The following CSNK2A2IP variants were observed in gnomAD, a reference collection of about 807,000 sequenced individuals.
CSNK2A2IP encodes the protein casein kinase 2 subunit alpha' interacting protein.
the CSNK2A2IP span, among the ~76,000 whole-genome samples, chr3:88,351,369 T>C: frequency 6.6e-6 from 1 of 152,090 alleles, no homozygotes; most frequent in East Asian, 1.9e-4. Context: ...AATAATGAGG[T>C]ATGAAGTAGA....
the CSNK2A2IP span, among the ~76,000 whole-genome samples, chr3:88,439,290 C>A: frequency 2.6e-5 from 4 of 152,150 alleles, no homozygotes; most frequent in Non-Finnish European, 5.9e-5. Flanking sequence ...CCATGTGTTT[C>A]TGTGGTGCTT....
At chr3:88,463,586 T>G in the CSNK2A2IP span, among the ~76,000 whole-genome samples, 1 of 151,988 alleles carries the variant, frequency 6.6e-6, no homozygotes, top group African/African-American at 2.4e-5. Context: ...GAAATGCAAA[T>G]CAAAACCACA....
At chr3:88,356,057 C>G in the CSNK2A2IP span, among the ~76,000 whole-genome samples, 1 of 152,030 alleles carries the variant, frequency 6.6e-6, no homozygotes, top group Non-Finnish European at 1.5e-5. Context: ...ATTGGGAAAT[C>G]TAACACCTTA....
At chr3:88,399,628 C>T in the CSNK2A2IP span, 2 of 152,194 alleles carry the variant, frequency 1.3e-5, no homozygotes, top group South Asian at 4.1e-4. Flanking sequence ...ATATGGCAGG[C>T]ACACAGGCCT....
chr3:88,358,178 G>T, the CSNK2A2IP span, among the ~76,000 whole-genome samples: 1 of 152,092 alleles, frequency 6.6e-6, no homozygotes, highest in South Asian at 2.1e-4. Context: ...ATTTTTGTAT[G>T]TTGACTTTGT....
At chr3:88,380,378 A>G in the CSNK2A2IP span, among the ~76,000 whole-genome samples, 1 of 152,072 alleles carries the variant, frequency 6.6e-6, no homozygotes, top group Non-Finnish European at 1.5e-5. Flanking sequence ...ATCAATAAAT[A>G]TTAGTGGCTC....
the CSNK2A2IP span, among the ~76,000 whole-genome samples, chr3:88,416,868 TC>T: frequency 6.6e-6 from 1 of 152,206 alleles, no homozygotes; most frequent in Non-Finnish European, 1.5e-5. Context: ...TATTTCTTTT[TC>T]TTTTAATTGC....
At chr3:88,423,769 C>A in the CSNK2A2IP span, among the ~76,000 whole-genome samples, 2 of 151,958 alleles carry the variant, frequency 1.3e-5, no homozygotes, top group Non-Finnish European at 2.9e-5. Flanking sequence ...GGATTTTGTT[C>A]TTCCAGAATG....
the CSNK2A2IP span, among the ~76,000 whole-genome samples, chr3:88,418,387 C>T: frequency 1.1e-4 from 16 of 151,992 alleles, no homozygotes; most frequent in Middle Eastern, 3.4e-3. Flanking sequence ...TTAGGACTGT[C>T]TTTATGCTAC....
At chr3:88,375,373 A>G in the CSNK2A2IP span, among the ~76,000 whole-genome samples, 1 of 151,744 alleles carries the variant, frequency 6.6e-6, no homozygotes, top group Non-Finnish European at 1.5e-5. Context: ...GGTAGAAGGG[A>G]AGGGAATTTG....
the CSNK2A2IP span, among the ~76,000 whole-genome samples, chr3:88,385,681 T>G: frequency 1.3e-5 from 2 of 152,116 alleles, no homozygotes; most frequent in African/African-American, 4.8e-5. Flanking sequence ...GCAAGGGAAA[T>G]GCAGCTGATG....
chr3:88,355,839 T>C, the CSNK2A2IP span, among the ~76,000 whole-genome samples: 66,585 of 151,944 alleles, frequency 0.44, 15,839 homozygotes, highest in South Asian at 0.62. Context: ...TCTTGAAAAA[T>C]ATGTGATTTC....
chr3:88,464,497 G>A, the CSNK2A2IP span, among the ~76,000 whole-genome samples: 4 of 151,824 alleles, frequency 2.6e-5, no homozygotes, highest in African/African-American at 9.7e-5. Context: ...AAGAGGATAA[G>A]GGTAGAGAAT....
At chr3:88,465,531 G>A in the CSNK2A2IP span, 156 of 1,231,594 alleles carry the variant, frequency 1.3e-4, no homozygotes, top group Non-Finnish European at 1.6e-4. Flanking sequence ...TACCTCCACT[G>A]GGCTCCAATA....
At chr3:88,449,969 G>A in the CSNK2A2IP span, among the ~76,000 whole-genome samples, 5 of 149,678 alleles carry the variant, frequency 3.3e-5, no homozygotes, top group East Asian at 1.0e-3. Flanking sequence ...CTGGGTTCAA[G>A]CAATTCTCCT....
chr3:88,442,180 A>G, the CSNK2A2IP span, among the ~76,000 whole-genome samples: 2 of 151,628 alleles, frequency 1.3e-5, no homozygotes, highest in African/African-American at 2.4e-5. Context: ...GGTACCATTA[A>G]TTTCTATTTG....
chr3:88,416,857 G>A, the CSNK2A2IP span, among the ~76,000 whole-genome samples: 3 of 152,098 alleles, frequency 2.0e-5, no homozygotes, highest in South Asian at 6.2e-4. Context: ...AAATTAGATA[G>A]TATTTCTTTT....
chr3:88,433,716 A>G, the CSNK2A2IP span, among the ~76,000 whole-genome samples: 397 of 152,294 alleles, frequency 2.6e-3, 2 homozygotes, highest in African/African-American at 8.9e-3. Context: ...AAAATATCAC[A>G]TACTTCTCCC....
the CSNK2A2IP span, among the ~76,000 whole-genome samples, chr3:88,398,620 A>G: frequency 6.6e-6 from 1 of 152,176 alleles, no homozygotes; most frequent in East Asian, 1.9e-4. Context: ...GAAATAGAGA[A>G]AGGTCCCATC....
Sources: allele counts gnomAD v4.1 joint callset (sites outside exome capture counted in the v4.1 genomes callset), GRCh38; gene constraint gnomAD v4.1.1; transcripts MANE v1.5; gene names NCBI Gene and HGNC (gene_info 2026-07-23, HGNC 2026-07-21).